Variants in DNM2 observed in about 807,000 individuals in gnomAD.
DNM2 encodes the protein dynamin 2, also known as dynamin-2.
In DNM2, 15 loss-of-function variants were observed where a neutral mutation model predicts 99.0. The observed-to-expected ratio is 0.15, with a 90% CI of 0.10 to 0.23. The LOEUF (loss-of-function observed/expected upper bound fraction) is 0.23. DNM2 is among the 10% of genes least tolerant of loss of function. The pLI, the probability that DNM2 is intolerant of heterozygous loss-of-function variation, is 1.00. For synonymous variants in DNM2, 525 were observed against 481.2 expected (o/e 1.09, Z -1.19); for missense variants, 742 against 1,189.4 (o/e 0.62, Z 5.53).
In DNM2 at chr19:10,817,796, C is replaced by T. The variant is rs923316474; in HGVS notation, c.1672-2184C>T. Among the ~76,000 whole-genome samples, 4 of 145,722 alleles carry T rather than the reference C, an allele frequency of 2.7e-5. No homozygotes were observed. Among genetic ancestry groups the T allele is most frequent in the Admixed American group, 2.7e-4 (4 of 14,866 alleles). The stretch of plus-strand genomic sequence containing the variant: ...CGGGGGTGGGGAGGAGGGGCGCACA[C>T]ACACGTGTGTGTGTGTGTGTGCGCG... On this transcript the variant is annotated intron_variant, in intron 15 of 20. Coordinates refer to ENST00000389253, the MANE Select transcript of DNM2 (RefSeq NM_001005361.3). The surrounding 1 kb of genome is among the most constrained non-coding windows in gnomAD (Gnocchi z 4.6).
intron 7 of DNM2, 98 bp downstream of exon 7, chr19:10,786,804 TC>T (rs1172610672): frequency 7.6e-6 from 12 of 1,571,704 alleles, no homozygotes; most frequent in Non-Finnish European, 9.5e-6. Context: ...ACTCGTCCAC[TC>T]ATTGATTCAG....
chr19:10,798,872 C>T (rs188410158), intron 11 of DNM2, among the ~76,000 whole-genome samples: 34 of 152,222 alleles, frequency 2.2e-4, no homozygotes, highest in African/African-American at 6.3e-4. Context: ...AGATACAGAG[C>T]GGTTCCGTCA....
At chr19:10,808,425 T>G (rs2072428258) in intron 13 of DNM2, 144 bp from the exon 14 acceptor site, 1 of 752,908 alleles carries the variant, frequency 1.3e-6, no homozygotes, top group African/African-American at 1.8e-5. Flanking sequence ...TTTTTTTCTT[T>G]TGCTGTTTTT....
At chr19:10,734,076 C>T (rs547688346) in intron 1 of DNM2, among the ~76,000 whole-genome samples, 8 of 151,664 alleles carry the variant, frequency 5.3e-5, no homozygotes, top group South Asian at 2.1e-4. Flanking sequence ...TGAGGCCTGG[C>T]GGGATGTTGT....
At chr19:10,786,516 G>A (rs767013021) in intron 6 of DNM2, 48 bp from the exon 7 acceptor site, 2 of 1,612,404 alleles carry the variant, frequency 1.2e-6, no homozygotes, top group Non-Finnish European at 1.7e-6. Context: ...CCACTCCCTG[G>A]TATCCTGCCC....
At chr19:10,749,743 T>TCTAG (rs2070128541) in intron 1 of DNM2, among the ~76,000 whole-genome samples, 1 of 152,230 alleles carries the variant, frequency 6.6e-6, no homozygotes, top group Non-Finnish European at 1.5e-5. Context: ...GTGCTGAGGA[T>TCTAG]CTAGCAGTGA....
At chr19:10,793,315 C>T (rs2071818562) in intron 7 of DNM2, among the ~76,000 whole-genome samples, 1 of 152,200 alleles carries the variant, frequency 6.6e-6, no homozygotes. Flanking sequence ...GGACCAACCC[C>T]AGCAGGCTGG....
intron 1 of DNM2, among the ~76,000 whole-genome samples, chr19:10,719,737 G>A (rs2068875501): frequency 6.6e-6 from 1 of 152,148 alleles, no homozygotes; most frequent in African/African-American, 2.4e-5. Context: ...TCATTGTCAA[G>A]GGATAATGTC....
In DNM2 at chr19:10,830,105, CA is replaced by C; in HGVS notation, c.2292-21del. On this transcript the variant is annotated intron_variant, in intron 19 of 20. Transcript: ENST00000389253. The surrounding 1 kb of genome is among the most constrained non-coding windows in gnomAD (Gnocchi z 4.8). ...TCCTACTCCATCTGTATCTGTAGCT[CA>C]CACCCTCTCCTTCCTCACAGCCCCA... 1.2e-6 allele frequency: 2 copies of C among 1,613,790 alleles called. No individual in the cohort carries two copies. Among genetic ancestry groups the C allele is most frequent in the South Asian group, 2.2e-5 (2 of 91,088 alleles).
At chr19:10,747,581 G>A (rs1345071935) in intron 1 of DNM2, among the ~76,000 whole-genome samples, 1 of 152,188 alleles carries the variant, frequency 6.6e-6, no homozygotes, top group Non-Finnish European at 1.5e-5. Flanking sequence ...TTGTGGAAGT[G>A]AGAAGTCTCC....
chr19:10,729,157 T>C (rs1599426686), intron 1 of DNM2, among the ~76,000 whole-genome samples: 3 of 53,602 alleles, frequency 5.6e-5, no homozygotes, highest in African/African-American at 7.9e-5. Context: ...AGAGCGAGAC[T>C]CCGTCTCAAA....
chr19:10,803,483 T>C (rs1015528433), intron 12 of DNM2, among the ~76,000 whole-genome samples: 1 of 152,184 alleles, frequency 6.6e-6, no homozygotes, highest in Non-Finnish European at 1.5e-5. Flanking sequence ...GTGTGTGGGC[T>C]CACAGCGCTG....
At position 10,831,309 on chromosome 19, in the gene DNM2, G is replaced by C; in HGVS notation, c.*262G>C. On this transcript the variant is annotated 3_prime_UTR_variant, in exon 21 of 21. Transcript: ENST00000389253. This position sits in a 1 kb window ranked among gnomAD's most constrained non-coding sequence, Gnocchi z 4.3. ...GATGGAGTCTCAGGGTGGCAGAGGG[G>C]GGACCAGAACCCTTGACACCATCCT... 1 of 1,272,062 alleles carries C rather than the reference G, an allele frequency of 7.9e-7. No individual in the cohort carries two copies. Among genetic ancestry groups the C allele is most frequent in the Non-Finnish European group, 9.9e-7 (1 of 1,009,244 alleles). 78.8% of individuals were successfully genotyped at this position (1,272,062 alleles called of 1,614,324 possible). A position where few individuals can be genotyped will look rare whatever the true frequency, so the allele number is the denominator to read the frequency against.
In DNM2 at chr19:10,831,094, GCAGGAGCTTC is replaced by G; in HGVS notation, c.*48_*57del. ...CGGGGGGGCCTCACGCACCCGCGGCGCAGGAGCTTCAGTGGTCTGGGGCCCTCCGCCGCCC... is the reference window on the plus strand; with the variant it reads ...CGGGGGGGCCTCACGCACCCGCGGCGAGTGGTCTGGGGCCCTCCGCCGCCC... On this transcript the variant is annotated 3_prime_UTR_variant, in exon 21 of 21. Transcript: ENST00000389253. The surrounding 1 kb of genome is among the most constrained non-coding windows in gnomAD (Gnocchi z 4.3). 1 of 1,554,486 alleles carries G rather than the reference GCAGGAGCTTC, an allele frequency of 6.4e-7. No individual in the cohort carries two copies. Among genetic ancestry groups the G allele is most frequent in the Non-Finnish European group, 8.7e-7 (1 of 1,149,906 alleles).
At position 10,795,509 on chromosome 19, in the gene DNM2, AC is replaced by A. The variant is rs563310676; in HGVS notation, c.1196+73del. ...GTGCGACCCCCCAGCTAATTGGGTC[AC>A]CCACACCTCTGAGTCCCTAATCGTT... is the stretch of plus-strand genomic sequence containing the variant. On this transcript the variant is annotated intron_variant, in intron 9 of 20. Transcript: ENST00000389253. This position sits in a 1 kb window ranked among gnomAD's most constrained non-coding sequence, Gnocchi z 4.2. 7 of 1,560,134 alleles carry A rather than the reference AC, an allele frequency of 4.5e-6. No homozygotes were observed. The African/African-American group carries it at 8.1e-5, about 18-fold the overall frequency.
intron 2 of DNM2, among the ~76,000 whole-genome samples, chr19:10,760,282 C>G (rs1417663537): frequency 6.6e-6 from 1 of 151,828 alleles, no homozygotes; most frequent in Admixed American, 6.6e-5. Flanking sequence ...CTCAAGTGAC[C>G]CTCTCACTTC....
intron 3 of DNM2, among the ~76,000 whole-genome samples, chr19:10,773,436 C>T (rs1231142841): frequency 5.3e-5 from 7 of 131,964 alleles, no homozygotes; most frequent in South Asian, 2.5e-4. Context: ...CGTGAGCCGC[C>T]GCGCCCGGCC....
intron 1 of DNM2, chr19:10,718,677 C>A: frequency 3.2e-6 from 1 of 312,316 alleles, no homozygotes; most frequent in Non-Finnish European, 5.6e-6. Context: ...CCATCTGGTC[C>A]CAGCTTTCGT....
Position 10,811,843 on chromosome 19 carries a change from A to T in DNM2, c.1558-421A>T. ...CCGCGCTCCTTCAATGTCCTTGGGGAGGGCCCCTGGGCTCACACCTTTGAC... is the reference window on the plus strand; with the variant it reads ...CCGCGCTCCTTCAATGTCCTTGGGGTGGGCCCCTGGGCTCACACCTTTGAC... On this transcript the variant is annotated intron_variant, in intron 14 of 20. Coordinates refer to ENST00000389253, the MANE Select transcript of DNM2 (RefSeq NM_001005361.3). The surrounding 1 kb of genome is among the most constrained non-coding windows in gnomAD (Gnocchi z 5.4). 1.9e-6 allele frequency: 1 copy of T among 512,982 alleles called. No homozygotes were observed. The highest frequency in any genetic ancestry group is 3.9e-6 in the Non-Finnish European group (1 of 257,542). 31.8% of individuals were successfully genotyped at this position (512,982 alleles called of 1,614,324 possible).
Sources: allele counts gnomAD v4.1 joint callset (sites outside exome capture counted in the v4.1 genomes callset), GRCh38; gene constraint gnomAD v4.1.1; non-coding constraint Gnocchi (gnomAD v3.1); transcripts MANE v1.5; gene names NCBI Gene and HGNC (gene_info 2026-07-23, HGNC 2026-07-21).